The following ATM variants were observed in gnomAD, a reference collection of about 807,000 sequenced individuals.
The protein encoded by ATM is ATM serine/threonine kinase, also known as serine-protein kinase ATM.
In ATM, 308 loss-of-function variants were observed where a neutral mutation model predicts 387.0. The observed-to-expected ratio is 0.80, with a 90% CI of 0.73 to 0.87. The LOEUF (loss-of-function observed/expected upper bound fraction) is 0.87, where lower values mean the gene tolerates loss of function less well. Ranked by LOEUF, ATM falls within the 40% of genes least tolerant of loss-of-function variation. ATM has a pLI of 0.00. For synonymous variants in ATM, 1,156 were observed against 1,187.3 expected (o/e 0.97, Z 0.54); for missense variants, 3,312 against 3,560.9 (o/e 0.93, Z 1.78).
At chr11:108,310,031 A>T in intron 38 of ATM, 129 bp from the exon 39 acceptor site, 1 of 877,090 alleles carries the variant, frequency 1.1e-6, no homozygotes, top group Non-Finnish European at 1.8e-6. Context: ...TATATTGGGG[A>T]AATGTGGTTT....
intron 34 of ATM, 64 bp downstream of exon 34, chr11:108,299,949 C>A: frequency 1.4e-6 from 2 of 1,436,748 alleles, no homozygotes; most frequent in Non-Finnish European, 2.0e-6. Context: ...TGATACTTCA[C>A]ACAAATAGAT....
intron 22 of ATM, among the ~76,000 whole-genome samples, chr11:108,275,297 G>A (rs1267777533): frequency 6.6e-6 from 1 of 152,092 alleles, no homozygotes; most frequent in Admixed American, 6.6e-5. Context: ...ACACTGATGG[G>A]TCTTGACTCT....
chr11:108,303,613 T>C (rs192318334), intron 36 of ATM, among the ~76,000 whole-genome samples: 1 of 152,178 alleles, frequency 6.6e-6, no homozygotes, highest in Non-Finnish European at 1.5e-5. Context: ...AGGTCAAACA[T>C]CTGCTGATTA....
chr11:108,252,149 A>T, intron 11 of ATM, 118 bp downstream of exon 11: 1 of 857,386 alleles, frequency 1.2e-6, no homozygotes, highest in Non-Finnish European at 1.8e-6. Context: ...TCCCAGATCT[A>T]ACCTTAATTA....
chr11:108,262,438 G>C (rs1269319306), intron 16 of ATM, among the ~76,000 whole-genome samples: 2 of 152,314 alleles, frequency 1.3e-5, no homozygotes, highest in East Asian at 1.9e-4. Flanking sequence ...AATGCTGAGA[G>C]ATTTTGTCAC....
chr11:108,326,857 G>C (rs944303660), intron 47 of ATM, among the ~76,000 whole-genome samples: 1 of 152,068 alleles, frequency 6.6e-6, no homozygotes. Flanking sequence ...ACGGAGTCTT[G>C]CTCTGTCACC....
intron 59 of ATM, among the ~76,000 whole-genome samples, chr11:108,348,427 A>G (rs1412749054): frequency 6.6e-6 from 1 of 151,238 alleles, no homozygotes; most frequent in East Asian, 1.9e-4. Flanking sequence ...ACAGTTTAAT[A>G]TATAAGAAAG....
intron 14 of ATM, 51 bp from the exon 15 acceptor site, chr11:108,257,430 C>G (rs2135404495): frequency 6.3e-7 from 1 of 1,597,850 alleles, no homozygotes; most frequent in Non-Finnish European, 8.5e-7. Context: ...AAAAGCAATA[C>G]TAAACTATAA....
intron 61 of ATM, among the ~76,000 whole-genome samples, chr11:108,362,626 A>C (rs2090906916): frequency 6.7e-6 from 1 of 150,078 alleles, no homozygotes; most frequent in South Asian, 2.2e-4. Context: ...GCCATAAAAA[A>C]TGATGAGTTC....
At chr11:108,307,472 T>C (rs984498413) in intron 37 of ATM, among the ~76,000 whole-genome samples, 1 of 152,122 alleles carries the variant, frequency 6.6e-6, no homozygotes, top group African/African-American at 2.4e-5. Flanking sequence ...TATGAAACTT[T>C]TCTTGTCTAG....
At chr11:108,357,394 G>C (rs1471403298) in intron 61 of ATM, among the ~76,000 whole-genome samples, 3 of 152,242 alleles carry the variant, frequency 2.0e-5, no homozygotes, top group East Asian at 1.9e-4. Context: ...GCCCAGGCTT[G>C]ATTAGGTAAA....
chr11:108,242,799 A>G (rs1411017980), intron 5 of ATM, among the ~76,000 whole-genome samples: 2 of 152,200 alleles, frequency 1.3e-5, no homozygotes, highest in African/African-American at 4.8e-5. Flanking sequence ...GAACTGATGC[A>G]AAAATGAAGG....
At chr11:108,279,403 T>C (rs1436107489) in intron 22 of ATM, 88 bp from the exon 23 acceptor site, 1 of 937,478 alleles carries the variant, frequency 1.1e-6, no homozygotes, top group African/African-American at 1.6e-5. Context: ...GTGATTTATT[T>C]TTGTTCTGGA....
At chr11:108,229,055 T>A in intron 3 of ATM, 123 bp from the exon 4 acceptor site, 1 of 914,098 alleles carries the variant, frequency 1.1e-6, no homozygotes, top group Middle Eastern at 3.4e-4. Context: ...TTTTTTCAGC[T>A]GATGTAGTAA....
chr11:108,307,613 C>T (rs2083790117), intron 37 of ATM, among the ~76,000 whole-genome samples: 1 of 152,182 alleles, frequency 6.6e-6, no homozygotes, highest in Admixed American at 6.5e-5. Flanking sequence ...CTTGTTCATG[C>T]TTATATACTG....
In ATM at chr11:108,281,099, A is replaced by G. The variant is rs1555091291; in HGVS notation, c.3507A>G (p.Glu1169=). Reference sequence around the variant, plus strand: ...TTTTATCCTGTAGCCCTATCTGCGAAAAACAGGCTTTGTTTGCCCTGTGTA... The same window carrying G: ...TTTTATCCTGTAGCCCTATCTGCGAGAAACAGGCTTTGTTTGCCCTGTGTA... ...AVVLSCSPIC[E]KQALFALCKS... The change falls in exon 24 of 63, where the codon GAA becomes GAG. Residue 1169 remains glutamate (E), a synonymous_variant. Coordinates refer to ENST00000675843, the MANE Select transcript of ATM (RefSeq NM_000051.4). 1.2e-6 allele frequency: 2 copies of G among 1,614,050 alleles called. No individual in the cohort carries two copies. Among genetic ancestry groups the G allele is most frequent in the Non-Finnish European group, 1.7e-6 (2 of 1,179,968 alleles).
chr11:108,235,078 C>T (rs189154710), intron 4 of ATM, among the ~76,000 whole-genome samples: 5 of 152,154 alleles, frequency 3.3e-5, no homozygotes, highest in Non-Finnish European at 7.4e-5. Context: ...GAGCAGATCA[C>T]TTGAGGTCAG....
chr11:108,267,396 C>G (rs1355410151), intron 17 of ATM, 54 bp downstream of exon 17: 7 of 1,551,856 alleles, frequency 4.5e-6, no homozygotes, highest in Middle Eastern at 1.7e-4. Context: ...ATTGATTTGG[C>G]AGTATAAGAG....
chr11:108,271,476 C>T (rs2081581573), intron 20 of ATM, 70 bp downstream of exon 20: 3 of 1,544,726 alleles, frequency 1.9e-6, no homozygotes, highest in South Asian at 2.2e-5. Context: ...AGTTTTGTAT[C>T]CACATCAGTG....
Sources: allele counts gnomAD v4.1 joint callset (sites outside exome capture counted in the v4.1 genomes callset), GRCh38; gene constraint gnomAD v4.1.1; transcripts MANE v1.5; gene names NCBI Gene and HGNC (gene_info 2026-07-23, HGNC 2026-07-21).